SMG5: variants seen among roughly 807,000 people sequenced by gnomAD.
SMG5 encodes the protein nonsense-mediated mRNA decay factor SMG5.
Under a neutral mutation model 122.9 loss-of-function variants are expected in SMG5, and 53 were observed. The ratio of observed to expected loss-of-function variants is 0.43; its 90% CI spans 0.35 to 0.54. The LOEUF (loss-of-function observed/expected upper bound fraction) is 0.54, where lower values mean the gene tolerates loss of function less well. Ranked by LOEUF, SMG5 falls within the 20% of genes least tolerant of loss-of-function variation. The probability of loss-of-function intolerance (pLI) is 0.01; values close to 1 mark genes in which losing one functional copy is unlikely to be tolerated. For synonymous variants in SMG5, 477 were observed against 490.2 expected (o/e 0.97, Z 0.35); for missense variants, 1,153 against 1,285.6 (o/e 0.90, Z 1.58).
At chr1:156,285,751 T>C, upstream of SMG5, 1 of 1,613,346 alleles carries the variant, frequency 6.2e-7, no homozygotes, top group Non-Finnish European at 8.5e-7. Context: ...GCAAGTGGGC[T>C]GAGGCAGTGG....
chr1:156,277,097 C>G lies in SMG5; in HGVS notation c.442G>C (p.Asp148His). The G allele has an allele frequency of 6.2e-7, 1 of 1,613,428 alleles. No individual in the cohort carries two copies. Among genetic ancestry groups the G allele is most frequent in the Non-Finnish European group, 8.5e-7 (1 of 1,179,746 alleles). Residue 148 changes from aspartate (D) to histidine (H), a missense_variant, in exon 4 of 22, where the codon GAC becomes CAC. Transcript: ENST00000361813. ...QCCIDWTHVTDPLIGCKKPVS... is the reference protein window; with the variant it reads ...QCCIDWTHVTHPLIGCKKPVS... Reference sequence around the variant, plus strand: ...AGGTTCCACTGACCTATGAGGGGGTCAGTGACATGGGTCCAGTCGATGCAG... The same window carrying G: ...AGGTTCCACTGACCTATGAGGGGGTGAGTGACATGGGTCCAGTCGATGCAG...
At chr1:156,263,831 A>G (rs1231489298) in intron 12 of SMG5, among the ~76,000 whole-genome samples, 1 of 152,190 alleles carries the variant, frequency 6.6e-6, no homozygotes, top group Non-Finnish European at 1.5e-5. Context: ...TATGATTCTT[A>G]TAGACTCAAG....
intron 12 of SMG5, among the ~76,000 whole-genome samples, chr1:156,265,021 G>T (rs1662052866): frequency 8.6e-6 from 1 of 116,878 alleles, no homozygotes; most frequent in African/African-American, 3.6e-5. Flanking sequence ...GTGAGACTCT[G>T]TCTCAAAAAA....
At chr1:156,261,267 G>A (rs1000274171) in intron 14 of SMG5, 66 bp downstream of exon 14, 13 of 1,479,014 alleles carry the variant, frequency 8.8e-6, no homozygotes, top group East Asian at 2.3e-5. Context: ...TATGGGGAGG[G>A]GAGATGGGCT....
At chr1:156,282,342 C>G (rs1325386299) in intron 1 of SMG5, among the ~76,000 whole-genome samples, 1 of 152,170 alleles carries the variant, frequency 6.6e-6, no homozygotes, top group Non-Finnish European at 1.5e-5. Context: ...TACCCCAACT[C>G]CACCAAGCTT....
chr1:156,263,491 C>G lies in SMG5; in HGVS notation c.1935G>C (p.Lys645Asn), dbSNP rs1269533701. ...SCRNERSIQE[K>N]LQVLMAEGLL... ...GACCTTCGGCCATCAGGACCTGAAG[C>G]TTCTCCTGGATGCTGCGCTCATTCC... Residue 645 changes from lysine to asparagine, a missense_variant, in exon 13 of 22, where the codon AAG becomes AAC. By Grantham distance (94) the Lys-to-Asn change is moderately conservative. Coordinates refer to ENST00000361813, the MANE Select transcript of SMG5 (RefSeq NM_015327.3). 1.2e-6 allele frequency: 2 copies of G among 1,614,162 alleles called. No individual in the cohort carries two copies. Among genetic ancestry groups the G allele is most frequent in the African/African-American group, 2.7e-5 (2 of 74,956 alleles).
At chr1:156,268,477 G>A in intron 7 of SMG5, 62 bp from the exon 8 acceptor site, 1 of 1,586,614 alleles carries the variant, frequency 6.3e-7, no homozygotes, top group Non-Finnish European at 8.6e-7. Flanking sequence ...ACTCTGCTGG[G>A]GCTTTAGGAA....
intron 11 of SMG5, 68 bp downstream of exon 11, chr1:156,266,473 G>A (rs1477449290): frequency 1.2e-6 from 2 of 1,609,526 alleles, no homozygotes; most frequent in Non-Finnish European, 1.7e-6. Context: ...CCGAGTCTGT[G>A]TTCCTTTCCT....
At chr1:156,251,250 C>A (rs144827881) in intron 20 of SMG5, 153 bp downstream of exon 20, 13 of 988,954 alleles carry the variant, frequency 1.3e-5, no homozygotes, top group Middle Eastern at 2.4e-4. Flanking sequence ...GCGGCAACTT[C>A]GTACTCCTCG....
chr1:156,280,709 T>C (rs1662897684), intron 1 of SMG5, among the ~76,000 whole-genome samples: 2 of 152,182 alleles, frequency 1.3e-5, no homozygotes, highest in Non-Finnish European at 1.5e-5. Flanking sequence ...ACCACCACTC[T>C]AGGAAGTTCT....
chr1:156,249,638 T>C lies in SMG5; in HGVS notation c.*949A>G. 4.8e-6 allele frequency: 2 copies of C among 419,566 alleles called. No individual in the cohort carries two copies. The highest frequency in any genetic ancestry group is 9.9e-6 in the Non-Finnish European group (2 of 202,412). The allele number at this position is 419,566 out of a possible 1,614,324, so 26.0% of individuals were successfully genotyped here. ...GAAGGCAAAAGGAGGGACGGGGGCC[T>C]CTGACTGAGCAGCTTCAAGGAGCCT... is the stretch of plus-strand genomic sequence containing the variant. On this transcript the variant is annotated 3_prime_UTR_variant, in exon 22 of 22. Coordinates refer to ENST00000361813, the MANE Select transcript of SMG5 (RefSeq NM_015327.3).
intron 1 of SMG5, among the ~76,000 whole-genome samples, chr1:156,281,028 T>A (rs1003584904): frequency 2.0e-5 from 3 of 152,216 alleles, no homozygotes; most frequent in Non-Finnish European, 4.4e-5. Context: ...TTCCCCAAAT[T>A]TCTGAAGCTC....
chr1:156,273,718 CTTTTTTTTTTTTTT>C (rs748042052), intron 5 of SMG5, among the ~76,000 whole-genome samples: 1 of 116,344 alleles, frequency 8.6e-6, no homozygotes, highest in Non-Finnish European at 1.7e-5. Flanking sequence ...GTTTTGTTTT[CTTTTTTTTTTTTTT>C]TTTTTTTAGA....
the SMG5 span, among the ~76,000 whole-genome samples, chr1:156,288,387 G>A: frequency 4.0e-5 from 6 of 149,754 alleles, no homozygotes; most frequent in African/African-American, 1.5e-4. Context: ...CCAGGCTGGA[G>A]TGCAGTGGCG....
rs1169972399 is a variant in SMG5, at chr1:156,282,655, TC to T, written c.25del (p.Glu9ArgfsTer47). 2 of 1,607,202 alleles carry T rather than the reference TC, an allele frequency of 1.2e-6. No homozygotes were observed. The highest frequency in any genetic ancestry group is 8.5e-7 in the Non-Finnish European group (1 of 1,179,526). On this transcript the variant is annotated frameshift_variant, in exon 1 of 22. Transcript: ENST00000361813. LOFTEE classifies it high-confidence loss of function. MSQGPPTG[E>X]SSEPEAKVLH... The stretch of plus-strand genomic sequence containing the variant: ...GACTTTTGCTTCGGGCTCGCTGCTC[TC>T]CCCTGTGGGGGGGCCTTGGCTCATG...
chr1:156,250,201 G>C lies in SMG5; in HGVS notation c.*386C>G. ...CCAAACTCCTGGCCCCAACCACCCT[G>C]CATCTTGGGTGAGGAAGAAGGGCCT... On this transcript the variant is annotated 3_prime_UTR_variant, in exon 22 of 22. Coordinates refer to ENST00000361813, the MANE Select transcript of SMG5 (RefSeq NM_015327.3). 2 of 348,136 alleles carry C rather than the reference G, an allele frequency of 5.7e-6. No homozygotes were observed. Among genetic ancestry groups the C allele is most frequent in the South Asian group, 4.6e-5 (2 of 43,480 alleles). The allele number at this position is 348,136 out of a possible 1,614,324, so 21.6% of individuals were successfully genotyped here.
intron 1 of SMG5, 70 bp from the exon 2 acceptor site, chr1:156,279,104 G>A (rs962834761): frequency 2.3e-6 from 3 of 1,291,518 alleles, no homozygotes; most frequent in African/African-American, 1.5e-5. Context: ...GCTGGGACAC[G>A]ATTCTAGAGG....
In SMG5 at chr1:156,252,461, G is replaced by A. The variant is rs1302289821; in HGVS notation, c.2706C>T (p.Ala902=). Residue 902 remains alanine, a synonymous_variant, in exon 19 of 22, where the codon GCC becomes GCT. Transcript: ENST00000361813. ...CCTCCAGGTACCGAATCCCATCCCG[G>A]GCCCCTGGGTGTTCCTTCTTCAGCA... ...LDLLKKEHPG[A]RDGIRYLEAE... The A allele has an allele frequency of 3.1e-6, 5 of 1,613,814 alleles. No homozygotes were observed. Among genetic ancestry groups the A allele is most frequent in the Non-Finnish European group, 3.4e-6 (4 of 1,179,952 alleles).
intron 13 of SMG5, among the ~76,000 whole-genome samples, chr1:156,261,804 C>T (rs942619702): frequency 3.4e-5 from 5 of 148,774 alleles, no homozygotes; most frequent in African/African-American, 1.0e-4. Context: ...GCAGGAGAAT[C>T]GCTTGAACCC....
Sources: allele counts gnomAD v4.1 joint callset (sites outside exome capture counted in the v4.1 genomes callset), GRCh38; gene constraint gnomAD v4.1.1; transcripts MANE v1.5; gene names NCBI Gene and HGNC (gene_info 2026-07-23, HGNC 2026-07-21).